Variants in AMBRA1 observed in about 807,000 individuals in gnomAD.
AMBRA1 encodes autophagy and beclin 1 regulator 1.
AMBRA1 carries 47 observed loss-of-function variants against 125.4 expected under a neutral mutation model. The observed-to-expected ratio is 0.37, with a 90% CI of 0.30 to 0.48. The LOEUF (loss-of-function observed/expected upper bound fraction) is 0.48. AMBRA1 is among the 20% of genes least tolerant of loss of function. The probability of loss-of-function intolerance (pLI) is 0.99; values close to 1 mark genes in which losing one functional copy is unlikely to be tolerated. For missense variants in AMBRA1, 1,331 were observed against 1,693.4 expected (o/e 0.79, Z 3.76); for synonymous variants, 626 against 655.5 (o/e 0.95, Z 0.69).
In AMBRA1 at chr11:46,418,002, G is replaced by A; in HGVS notation, c.3027C>T (p.Val1009=). The part of the protein sequence containing the change: ...YPMPADQRRH[V]SINSARWLPE... Reference sequence around the variant, plus strand: ...GCAGCCAACGGGCAGAGTTGATACTGACATGTCTCCGCTGGTCGGCAGGCA... The same window carrying A: ...GCAGCCAACGGGCAGAGTTGATACTAACATGTCTCCGCTGGTCGGCAGGCA... The change falls in exon 15 of 18, where the codon GTC becomes GTT. Residue 1009 remains valine, a synonymous_variant. Transcript: ENST00000683756. The A allele has an allele frequency of 1.2e-5, 19 of 1,608,258 alleles. No individual in the cohort carries two copies. The highest frequency in any genetic ancestry group is 1.5e-5 in the Non-Finnish European group (18 of 1,176,062).
intron 8 of AMBRA1, among the ~76,000 whole-genome samples, chr11:46,508,670 T>C (rs925782246): frequency 6.6e-6 from 1 of 152,298 alleles, no homozygotes; most frequent in East Asian, 1.9e-4. Context: ...CTTCTGAAGG[T>C]ACACTTTTAG....
intron 7 of AMBRA1, among the ~76,000 whole-genome samples, chr11:46,520,086 C>T (rs573218822): frequency 6.6e-6 from 1 of 151,458 alleles, no homozygotes; most frequent in Admixed American, 6.6e-5. Flanking sequence ...TTGCAGTGAC[C>T]CAAGATGGCG....
intron 1 of AMBRA1, among the ~76,000 whole-genome samples, chr11:46,566,214 T>G (rs971007334): frequency 2.6e-5 from 4 of 151,830 alleles, no homozygotes; most frequent in African/African-American, 9.7e-5. Context: ...AGGTCAGGAG[T>G]TCGAGACTGG....
At chr11:46,474,907 CAG>C (rs1398382113) in intron 11 of AMBRA1, among the ~76,000 whole-genome samples, 1 of 152,136 alleles carries the variant, frequency 6.6e-6, no homozygotes, top group African/African-American at 2.4e-5. Context: ...AGAAAGAACA[CAG>C]TGTGCGCTTG....
At chr11:46,525,557 C>T (rs927591268) in intron 7 of AMBRA1, among the ~76,000 whole-genome samples, 5 of 152,192 alleles carry the variant, frequency 3.3e-5, no homozygotes, top group African/African-American at 4.8e-5. Flanking sequence ...TCGAGACCAG[C>T]CTGACCAACA....
intron 14 of AMBRA1, among the ~76,000 whole-genome samples, chr11:46,420,874 C>T (rs138982265): frequency 6.6e-6 from 1 of 152,184 alleles, no homozygotes; most frequent in Admixed American, 6.5e-5. Flanking sequence ...GAGAAAGTAG[C>T]CTTACGAGGA....
intron 11 of AMBRA1, among the ~76,000 whole-genome samples, chr11:46,479,440 T>C (rs1367211670): frequency 2.6e-5 from 4 of 152,188 alleles, no homozygotes; most frequent in Non-Finnish European, 5.9e-5. Flanking sequence ...AAAGTGCTTA[T>C]GCAGTAGGAC....
intron 9 of AMBRA1, among the ~76,000 whole-genome samples, chr11:46,502,155 C>G (rs1164387385): frequency 1.3e-5 from 2 of 152,114 alleles, no homozygotes; most frequent in Admixed American, 6.5e-5. Context: ...TCTCGGCTCA[C>G]TGCAATCTCC....
intron 14 of AMBRA1, among the ~76,000 whole-genome samples, chr11:46,421,701 C>T (rs979055964): frequency 1.3e-5 from 2 of 152,206 alleles, no homozygotes; most frequent in African/African-American, 4.8e-5. Flanking sequence ...AAGGGAAATA[C>T]CTCTCACAAT....
Position 46,543,401 on chromosome 11 carries a change from G to A in AMBRA1, c.619-3C>T, listed in dbSNP as rs1272904750. 1.2e-6 allele frequency: 2 copies of A among 1,613,628 alleles called. No homozygotes were observed. Among genetic ancestry groups the A allele is most frequent in the South Asian group, 2.2e-5 (2 of 91,052 alleles). On this transcript the variant is annotated splice_region_variant and splice_polypyrimidine_tract_variant and intron_variant, in intron 6 of 17. Coordinates refer to ENST00000683756, the MANE Select transcript of AMBRA1 (RefSeq NM_001387011.1). ...GGGATCTCTGGTTCGTCATCACCCT[G>A]CAACGTGGACCAGCATGGGGCAGGG...
At chr11:46,445,755 AG>A (rs1171265602) in intron 11 of AMBRA1, among the ~76,000 whole-genome samples, 1 of 152,192 alleles carries the variant, frequency 6.6e-6, no homozygotes, top group Non-Finnish European at 1.5e-5. Flanking sequence ...AAATTAATTT[AG>A]CTCCTTATCA....
chr11:46,430,577 G>A (rs949888270), intron 14 of AMBRA1, among the ~76,000 whole-genome samples: 4 of 152,194 alleles, frequency 2.6e-5, no homozygotes, highest in Admixed American at 1.3e-4. Context: ...AGTGCATCAA[G>A]GCTAATAGCA....
chr11:46,433,623 T>G lies in AMBRA1; in HGVS notation c.2827A>C (p.Asn943His). Residue 943 changes from asparagine to histidine, a missense_variant, in exon 14 of 18, where the codon AAT becomes CAT. Physicochemically the swap from Asn to His is moderately conservative, Grantham distance 68. Around this residue, in one of 4 missense-constraint regions of AMBRA1, gnomAD observed 354 missense variants for 532.7 expected, o/e 0.66. Coordinates refer to ENST00000683756, the MANE Select transcript of AMBRA1 (RefSeq NM_001387011.1). ...GGGGACAGGCTCACCGAAATGGCAT[T>G]GGGACCTGAGGGCCAACAAAACAGA... ...EMLYTKRFGP[N>H]AISVSLSPMG... 6.2e-7 allele frequency: 1 copy of G among 1,613,688 alleles called. No homozygotes were observed. Among genetic ancestry groups the G allele is most frequent in the Non-Finnish European group, 8.5e-7 (1 of 1,179,686 alleles).
chr11:46,524,906 T>A (rs1289850394), intron 7 of AMBRA1, among the ~76,000 whole-genome samples: 2 of 152,216 alleles, frequency 1.3e-5, no homozygotes, highest in African/African-American at 4.8e-5. Flanking sequence ...ACAAGAACAG[T>A]CAGGTATCCA....
chr11:46,538,480 G>A (rs1358807020), intron 7 of AMBRA1, among the ~76,000 whole-genome samples: 2 of 151,976 alleles, frequency 1.3e-5, no homozygotes, highest in Non-Finnish European at 2.9e-5. Context: ...AAAAAATTAT[G>A]GTACATCCTT....
chr11:46,593,660 C>A (rs1198372910), intron 1 of AMBRA1, among the ~76,000 whole-genome samples, 168 bp downstream of exon 1: 2 of 152,188 alleles, frequency 1.3e-5, no homozygotes, highest in East Asian at 3.9e-4. Flanking sequence ...GCTTCTCCCT[C>A]GGTTCCGGGC....
intron 15 of AMBRA1, among the ~76,000 whole-genome samples, chr11:46,417,092 G>A (rs1038998497): frequency 8.0e-5 from 12 of 150,940 alleles, no homozygotes; most frequent in Admixed American, 4.0e-4. Flanking sequence ...TCACTCTGTC[G>A]CTAGGTTGGC....
At chr11:46,503,994 C>T (rs545388546) in intron 9 of AMBRA1, among the ~76,000 whole-genome samples, 88 of 152,276 alleles carry the variant, frequency 5.8e-4, no homozygotes, top group Middle Eastern at 3.4e-3. Flanking sequence ...CTGCCACACC[C>T]GGCTCTAGCA....
chr11:46,404,487 G>A (rs1052406344), intron 17 of AMBRA1, among the ~76,000 whole-genome samples: 5 of 152,212 alleles, frequency 3.3e-5, no homozygotes, highest in African/African-American at 7.2e-5. Flanking sequence ...GCTGGAGAAT[G>A]ACACCCATCC....
Sources: gnomAD v4.1 joint callset for allele counts (sites outside exome capture counted in the v4.1 genomes callset) on GRCh38, gnomAD v4.1.1 for gene constraint, gnomAD v4.1.1 regional missense constraint, MANE v1.5 for transcripts, NCBI Gene and HGNC (gene_info 2026-07-23, HGNC 2026-07-21) for gene names.